The following ITIH6 variants were observed in gnomAD, a reference collection of about 807,000 sequenced individuals.
ITIH6 encodes inter-alpha-trypsin inhibitor heavy chain H6.
A neutral mutation model predicts 58.2 loss-of-function variants in ITIH6; 60 were observed. The observed-to-expected ratio is 1.03, with a 90% CI of 0.84 to 1.28. ITIH6 has a LOEUF of 1.28. Ranked by LOEUF, ITIH6 falls within the 50% of genes most tolerant of loss-of-function variation. The probability of loss-of-function intolerance (pLI) is 0.00; values close to 1 mark genes in which losing one functional copy is unlikely to be tolerated. For missense variants in ITIH6, 1,290 were observed against 1,021.1 expected (o/e 1.26, Z -3.59); for synonymous variants, 493 against 417.4 (o/e 1.18, Z -2.21).
At chrX:54,788,723 C>A in intron 4 of ITIH6, 74 bp from the exon 5 acceptor site, 2 of 862,520 alleles carry the variant, frequency 2.3e-6, no homozygotes, top group South Asian at 2.2e-5. Context: ...GAAAGGGCAG[C>A]ACAAAGGGTG....
chrX:54,763,934 T>A (rs186781966), intron 6 of ITIH6, among the ~76,000 whole-genome samples: 2 of 112,539 alleles, frequency 1.8e-5, no homozygotes, highest in African/African-American at 6.4e-5. Context: ...TGTTATATCA[T>A]ATAATGCAAC....
chrX:54,762,653 C>T (rs909743730), intron 6 of ITIH6, among the ~76,000 whole-genome samples: 1 of 112,147 alleles, frequency 8.9e-6, no homozygotes, highest in African/African-American at 3.2e-5. Context: ...CAACCCTGAC[C>T]CCTGCCCTTC....
In ITIH6 at chrX:54,751,027, T is replaced by C. The variant is rs201616304; in HGVS notation, c.3706A>G (p.Ser1236Gly). 92 of 1,173,046 alleles carry C rather than the reference T, an allele frequency of 7.8e-5. No homozygotes were observed. Among genetic ancestry groups the C allele is most frequent in the Non-Finnish European group, 1.8e-5 (16 of 875,944 alleles). ...CCTATCAGGCCACGGGCTGAGGGGC[T>C]GAGGCCTGAGCCATTGGCCACGTAG... is the stretch of plus-strand genomic sequence containing the variant. ...GFYVANGSGL[S>G]PSARGLIGQF... The change falls in exon 12 of 13, where the codon AGC (serine) becomes GGC (glycine). Residue 1236 changes from serine to glycine, a missense_variant. Transcript: ENST00000218436.
rs1481433494 is a variant in ITIH6 at position 54,751,233 on chromosome X, C to T, written c.3500G>A (p.Arg1167Gln). 1.1e-5 allele frequency: 13 copies of T among 1,210,159 alleles called. No homozygotes were observed. Among genetic ancestry groups the T allele is most frequent in the East Asian group, 5.9e-5 (2 of 33,745 alleles). Residue 1167 changes from arginine (R) to glutamine (Q), a missense_variant, in exon 12 of 13, where the codon CGA becomes CAA. By Grantham distance (43) the Arg-to-Gln change is conservative (BLOSUM62 1). Transcript: ENST00000218436. ...GGACAGGCGCAAGGTACCCTCGCCTCGCAAAGATATAGAACTGCGGCTGAT... is the reference window on the plus strand; with the variant it reads ...GGACAGGCGCAAGGTACCCTCGCCTTGCAAAGATATAGAACTGCGGCTGAT... Reference protein sequence around the residue: ...ITISRSSISLRGEGTLRLSWD... With the variant: ...ITISRSSISLQGEGTLRLSWD...
chrX:54,759,237 C>T (rs369416195), intron 7 of ITIH6, among the ~76,000 whole-genome samples: 3 of 111,143 alleles, frequency 2.7e-5, no homozygotes, highest in East Asian at 5.7e-4. Context: ...TTGTCTGTTT[C>T]CTTGGTGGTG....
chrX:54,752,731 A>C (rs767699739), intron 11 of ITIH6, among the ~76,000 whole-genome samples: 136 of 112,393 alleles, frequency 1.2e-3, no homozygotes, highest in African/African-American at 4.3e-3. Context: ...GAAAACTTTA[A>C]ACAAGTGGGA....
intron 6 of ITIH6, among the ~76,000 whole-genome samples, chrX:54,763,784 T>C (rs1928705478): frequency 8.9e-6 from 1 of 112,397 alleles, no homozygotes; most frequent in Admixed American, 9.5e-5. Flanking sequence ...TCTCTAATTA[T>C]AATAGTGGAT....
At chrX:54,773,412 G>A (rs750742026) in intron 6 of ITIH6, among the ~76,000 whole-genome samples, 3 of 111,439 alleles carry the variant, frequency 2.7e-5, no homozygotes, top group Non-Finnish European at 3.8e-5. Context: ...AACAAACTCA[G>A]CCTTAGGTCC....
chrX:54,789,009 G>A (rs1929296192), intron 4 of ITIH6, among the ~76,000 whole-genome samples: 1 of 112,432 alleles, frequency 8.9e-6, no homozygotes, highest in Non-Finnish European at 1.9e-5. Context: ...AGCAGCCCTC[G>A]CCTCCTCCCA....
At chrX:54,764,547 A>G (rs1290706915) in intron 6 of ITIH6, among the ~76,000 whole-genome samples, 1 of 106,137 alleles carries the variant, frequency 9.4e-6, no homozygotes, top group Non-Finnish European at 1.9e-5. Flanking sequence ...ACTGAGAATG[A>G]TGGTTTCCAA....
At chrX:54,755,285 C>T (rs1160871691) in intron 8 of ITIH6, among the ~76,000 whole-genome samples, 176 bp from the exon 9 acceptor site, 1 of 112,610 alleles carries the variant, frequency 8.9e-6, no homozygotes, top group Admixed American at 9.4e-5. Flanking sequence ...GTTCAAAGTT[C>T]TTCCTTATAG....
chrX:54,751,064 G>A lies in ITIH6; in HGVS notation c.3669C>T (p.Pro1223=), dbSNP rs753288851. ...RYRHPSTLQL[P]HLGFYVANGS... ...CATTGGCCACGTAGAACCCCAGGTG[G>A]GGTAGTTGCAGGGTACTGGGATGCC... The change falls in exon 12 of 13, where the codon CCC becomes CCT. Residue 1223 remains proline (P), a synonymous_variant. Transcript: ENST00000218436. The A allele has an allele frequency of 8.4e-7, 1 of 1,195,641 alleles. No individual in the cohort carries two copies. Among genetic ancestry groups the A allele is most frequent in the Admixed American group, 2.3e-5 (1 of 43,149 alleles).
intron 6 of ITIH6, among the ~76,000 whole-genome samples, chrX:54,770,611 C>T (rs1928930132): frequency 8.9e-6 from 1 of 112,442 alleles, no homozygotes; most frequent in Non-Finnish European, 1.9e-5. Context: ...ATGCATAGTG[C>T]AAGTACCTTG....
At chrX:54,770,938 T>G (rs1928936065) in intron 6 of ITIH6, among the ~76,000 whole-genome samples, 1 of 111,864 alleles carries the variant, frequency 8.9e-6, no homozygotes, top group South Asian at 3.7e-4. Flanking sequence ...AGTCTTTATT[T>G]TTTTTTCACT....
At position 54,757,019 on chromosome X, in the gene ITIH6, C is replaced by G. The variant is rs748645422; in HGVS notation, c.3055G>C (p.Val1019Leu). The change falls in exon 8 of 13, where the codon GTG becomes CTG. Residue 1019 changes from valine (V) to leucine (L), a missense_variant. By Grantham distance (32) the Val-to-Leu change is conservative. Coordinates refer to ENST00000218436, the MANE Select transcript of ITIH6 (RefSeq NM_198510.3). ...LSESMVESKFVESLNPPAFYT... is the reference protein window; with the variant it reads ...LSESMVESKFLESLNPPAFYT... ...AAAGCTGGTGGGTTCAAGGACTCCA[C>G]GAACTTGGATTCCACCATTGATTCA... 5 of 1,207,180 alleles carry G rather than the reference C, an allele frequency of 4.1e-6. No homozygotes were observed. In the East Asian group the frequency reaches 1.5e-4, roughly 36 times the overall value.
At chrX:54,796,903 C>T in intron 2 of ITIH6, 39 bp downstream of exon 2, 1 of 1,179,794 alleles carries the variant, frequency 8.5e-7, no homozygotes, top group Admixed American at 2.2e-5. Context: ...CAAATATATG[C>T]ACAAATGAAT....
At chrX:54,771,402 A>G (rs976730213) in intron 6 of ITIH6, among the ~76,000 whole-genome samples, 1 of 111,611 alleles carries the variant, frequency 9.0e-6, no homozygotes, top group African/African-American at 3.3e-5. Context: ...TTTGTTTTTT[A>G]GCTTCAGGAA....
chrX:54,766,259 A>G (rs1295101756), intron 6 of ITIH6, among the ~76,000 whole-genome samples: 1 of 103,806 alleles, frequency 9.6e-6, no homozygotes, highest in Non-Finnish European at 2.0e-5. Context: ...ACTTTGCTGA[A>G]GTTGCTTATC....
chrX:54,756,227 C>A (rs1186363067), intron 8 of ITIH6, among the ~76,000 whole-genome samples: 1 of 111,298 alleles, frequency 9.0e-6, no homozygotes, highest in Non-Finnish European at 1.9e-5. Context: ...TATAAGGTCA[C>A]CTAGGAAATG....
Sources: gnomAD v4.1 joint callset for allele counts (sites outside exome capture counted in the v4.1 genomes callset) on GRCh38, gnomAD v4.1.1 for gene constraint, MANE v1.5 for transcripts, NCBI Gene and HGNC (gene_info 2026-07-23, HGNC 2026-07-21) for gene names.